GRM7: variants seen among roughly 807,000 people sequenced by gnomAD.
The protein encoded by GRM7 is glutamate metabotropic receptor 7.
A neutral mutation model predicts 84.5 loss-of-function variants in GRM7; 35 were observed. The observed-to-expected ratio is 0.41, with a 90% CI of 0.32 to 0.55. The LOEUF (loss-of-function observed/expected upper bound fraction) is 0.55, where lower values mean the gene tolerates loss of function less well. Ranked by LOEUF, GRM7 falls within the 20% of genes least tolerant of loss-of-function variation. The pLI is 0.19. For missense variants in GRM7, 1,003 were observed against 1,194.6 expected (o/e 0.84, Z 2.36); for synonymous variants, 487 against 455.1 (o/e 1.07, Z -0.89).
chr3:7,597,289 A>G (rs772840485), intron 8 of GRM7, among the ~76,000 whole-genome samples: 1 of 152,102 alleles, frequency 6.6e-6, no homozygotes, highest in African/African-American at 2.4e-5. Context: ...CCCACTAGCT[A>G]TTGCAAAGAC....
chr3:6,968,888 A>T (rs1693629799), intron 1 of GRM7, among the ~76,000 whole-genome samples: 1 of 152,232 alleles, frequency 6.6e-6, no homozygotes, highest in Non-Finnish European at 1.5e-5. Flanking sequence ...ATATGAGCCC[A>T]GGGTTGTCAG....
intron 8 of GRM7, among the ~76,000 whole-genome samples, chr3:7,593,535 C>T (rs1156484660): frequency 6.6e-6 from 1 of 152,120 alleles, no homozygotes; most frequent in Non-Finnish European, 1.5e-5. Context: ...TACCTGGACT[C>T]CTGTATTAGA....
At chr3:7,104,612 A>C (rs1236037597) in intron 1 of GRM7, among the ~76,000 whole-genome samples, 1 of 151,762 alleles carries the variant, frequency 6.6e-6, no homozygotes, top group Admixed American at 6.6e-5. Context: ...TTTTTTGTTA[A>C]ACATTTTTGA....
intron 1 of GRM7, among the ~76,000 whole-genome samples, chr3:7,041,122 A>G (rs551493280): frequency 6.6e-6 from 1 of 152,248 alleles, no homozygotes; most frequent in South Asian, 2.1e-4. Context: ...TTGCATGTTA[A>G]AAATTTTCAA....
At chr3:7,664,665 C>T (rs891458036) in intron 8 of GRM7, among the ~76,000 whole-genome samples, 4 of 152,226 alleles carry the variant, frequency 2.6e-5, no homozygotes, top group Admixed American at 1.3e-4. Context: ...CCCCAACCCC[C>T]ATGCCTTCTA....
chr3:7,233,131 A>G (rs115183140), intron 2 of GRM7, among the ~76,000 whole-genome samples: 2,080 of 152,304 alleles, frequency 0.014, 60 homozygotes, highest in African/African-American at 0.048. Context: ...AAAACTGATT[A>G]TATGTTCTTG....
At chr3:7,348,177 G>C (rs1205629201) in intron 4 of GRM7, among the ~76,000 whole-genome samples, 1 of 151,968 alleles carries the variant, frequency 6.6e-6, no homozygotes, top group African/African-American at 2.4e-5. Flanking sequence ...CTGCCTTTTT[G>C]GTTAAATTTT....
chr3:6,945,190 C>A (rs1369101159), intron 1 of GRM7, among the ~76,000 whole-genome samples: 1 of 151,950 alleles, frequency 6.6e-6, no homozygotes, highest in African/African-American at 2.4e-5. Context: ...TTAGTTATAT[C>A]TCCTAATGCT....
At chr3:6,913,247 G>A (rs1048815608) in intron 1 of GRM7, among the ~76,000 whole-genome samples, 1 of 152,040 alleles carries the variant, frequency 6.6e-6, no homozygotes, top group Admixed American at 6.6e-5. Context: ...ATTTTCATTG[G>A]CTTTATCAGT....
In GRM7 at chr3:7,332,274, G is replaced by T. The variant is rs1399910271; in HGVS notation, c.1033+25622G>T. Among the ~76,000 whole-genome samples the T allele has an allele frequency of 2.6e-5, 4 of 152,270 alleles. No homozygotes were observed. The East Asian group carries it at 7.8e-4, about 30-fold the overall frequency. Reference sequence around the variant, plus strand: ...GATTCTCCCAACAACTTTGTGTGGGGAGAGGAGGAGAATAGACAATTTATC... The same window carrying T: ...GATTCTCCCAACAACTTTGTGTGGGTAGAGGAGGAGAATAGACAATTTATC... On this transcript the variant is annotated intron_variant, in intron 4 of 9. Transcript: ENST00000357716.
chr3:7,463,125 G>T (rs1020286690), intron 7 of GRM7, among the ~76,000 whole-genome samples: 2 of 151,944 alleles, frequency 1.3e-5, no homozygotes, highest in African/African-American at 2.4e-5. Context: ...AAAGGTAAGA[G>T]AATCAAGGTC....
chr3:7,033,174 C>T (rs1396878762), intron 1 of GRM7, among the ~76,000 whole-genome samples: 2 of 152,048 alleles, frequency 1.3e-5, no homozygotes, highest in Non-Finnish European at 2.9e-5. Context: ...TTTCACCCTT[C>T]AGTGTGTCTA....
At chr3:7,583,265 G>C (rs1695347498) in intron 8 of GRM7, among the ~76,000 whole-genome samples, 1 of 152,142 alleles carries the variant, frequency 6.6e-6, no homozygotes, top group Non-Finnish European at 1.5e-5. Flanking sequence ...ATTTTTGTGG[G>C]GCTGAGAATA....
chr3:7,219,122 C>G (rs1221132353), intron 2 of GRM7, among the ~76,000 whole-genome samples: 1 of 152,118 alleles, frequency 6.6e-6, no homozygotes, highest in Non-Finnish European at 1.5e-5. Context: ...CTCTGAAGTT[C>G]ATTGTTGCAT....
At chr3:7,043,109 G>A (rs1277135749) in intron 1 of GRM7, among the ~76,000 whole-genome samples, 1 of 152,108 alleles carries the variant, frequency 6.6e-6, no homozygotes, top group East Asian at 1.9e-4. Flanking sequence ...ACTGCTAACG[G>A]GAACTAGTTC....
At chr3:7,683,541 A>T (rs1023533174) in intron 9 of GRM7, among the ~76,000 whole-genome samples, 1 of 152,180 alleles carries the variant, frequency 6.6e-6, no homozygotes, top group African/African-American at 2.4e-5. Context: ...ACCTCCAAAC[A>T]TTGGGGTTTC....
chr3:7,642,609 C>T (rs549950104), intron 8 of GRM7, among the ~76,000 whole-genome samples: 18 of 152,040 alleles, frequency 1.2e-4, no homozygotes, highest in Non-Finnish European at 2.5e-4. Flanking sequence ...CACGTGAGTT[C>T]CATGCACGCT....
intron 1 of GRM7, among the ~76,000 whole-genome samples, chr3:6,892,047 C>A (rs1387898564): frequency 6.6e-6 from 1 of 152,182 alleles, no homozygotes; most frequent in Non-Finnish European, 1.5e-5. Flanking sequence ...CTTCTGCATT[C>A]TTCACGTAGT....
intron 8 of GRM7, among the ~76,000 whole-genome samples, chr3:7,658,081 C>G (rs1331344727): frequency 6.6e-6 from 1 of 152,072 alleles, no homozygotes. Context: ...CTTTAATTCC[C>G]AAGTTTAGGT....
Sources: gnomAD v4.1 joint callset for allele counts (sites outside exome capture counted in the v4.1 genomes callset) on GRCh38, gnomAD v4.1.1 for gene constraint, MANE v1.5 for transcripts, NCBI Gene and HGNC (gene_info 2026-07-23, HGNC 2026-07-21) for gene names.